The following CES5A variants were observed in gnomAD, a reference collection of about 807,000 sequenced individuals.
The protein encoded by CES5A is carboxylesterase 5A, also known as carboxylesterase 5.
CES5A carries 67 observed loss-of-function variants against 62.9 expected under a neutral mutation model. The observed-to-expected ratio is 1.07, with a 90% CI of 0.88 to 1.31. The LOEUF is 1.31. Among genes scored for constraint, CES5A ranks in the 50% most tolerant of loss-of-function variants. The probability of loss-of-function intolerance (pLI) is 0.00; values close to 1 mark genes in which losing one functional copy is unlikely to be tolerated. For synonymous variants in CES5A, 296 were observed against 280.8 expected (o/e 1.05, Z -0.54); for missense variants, 748 against 708.5 (o/e 1.06, Z -0.63).
intron 1 of CES5A, among the ~76,000 whole-genome samples, chr16:55,898,229 A>G (rs8049294): frequency 0.019 from 2,945 of 152,334 alleles, 94 homozygotes; most frequent in African/African-American, 0.067. Flanking sequence ...TAAAAGCAAT[A>G]GTGGGTAATT....
chr16:55,854,236 C>T (rs553279002), intron 9 of CES5A, among the ~76,000 whole-genome samples: 19 of 152,224 alleles, frequency 1.2e-4, no homozygotes, highest in Non-Finnish European at 2.4e-4. Context: ...CAGCCCCTAG[C>T]ATGCTACTGT....
intron 2 of CES5A, among the ~76,000 whole-genome samples, chr16:55,943,769 A>G (rs747400956): frequency 1.3e-5 from 2 of 152,156 alleles, no homozygotes; most frequent in Non-Finnish European, 2.9e-5. Flanking sequence ...ACCAGAGTAC[A>G]CAGAACAGAA....
At chr16:55,877,220 G>A (rs966867940), upstream of CES5A, among the ~76,000 whole-genome samples, 1 of 152,142 alleles carries the variant, frequency 6.6e-6, no homozygotes, top group African/African-American at 2.4e-5. Flanking sequence ...AGGAGTGCGG[G>A]TGGGGTGGGG....
intron 2 of CES5A, among the ~76,000 whole-genome samples, chr16:55,935,233 C>G (rs1188662321): frequency 6.6e-6 from 1 of 152,152 alleles, no homozygotes; most frequent in African/African-American, 2.4e-5. Context: ...ATGAGCCACT[C>G]ACTGTGCCTG....
rs1291476791 is a variant in CES5A, at chr16:55,861,438, AG to A, written c.888del (p.Ser297ProfsTer5). The A allele has an allele frequency of 8.1e-6, 13 of 1,613,448 alleles. No individual in the cohort carries two copies. The highest frequency in any genetic ancestry group is 1.3e-5 in the African/African-American group (1 of 74,896). On this transcript the variant is annotated frameshift_variant, in exon 7 of 13. Coordinates refer to ENST00000290567, the MANE Select transcript of CES5A (RefSeq NM_001143685.2). LOFTEE classifies it high-confidence loss of function. Reference sequence around the variant, plus strand: ...TGGCTGAGGGTCAGCAGCTCCTTGGAGGGTTTTGTCCTCAGGCACCTCAGCA... The same window carrying A: ...TGGCTGAGGGTCAGCAGCTCCTTGGAGGTTTTGTCCTCAGGCACCTCAGCA... ...EALLRCLRTK[P>X]SKELLTLSQK... is the part of the protein sequence containing the mutation.
Position 55,853,042 on chromosome 16 carries a change from G to A in CES5A, c.1126-14C>T, listed in dbSNP as rs748479243. 14 of 1,613,446 alleles carry A rather than the reference G, an allele frequency of 8.7e-6. No homozygotes were observed. The highest frequency in any genetic ancestry group is 5.0e-5 in the Admixed American group (3 of 59,982). On this transcript the variant is annotated splice_polypyrimidine_tract_variant and intron_variant, in intron 9 of 12. Coordinates refer to ENST00000290567, the MANE Select transcript of CES5A (RefSeq NM_001143685.2). ...AGGCGGGATGTGCTGTAAAAATATC[G>A]TAGTCCTAGGAGATCCAGGTCAACC...
chr16:55,859,421 G>T, intron 8 of CES5A, 126 bp downstream of exon 8: 2 of 859,750 alleles, frequency 2.3e-6, no homozygotes, highest in Non-Finnish European at 3.6e-6. Flanking sequence ...GGTGATCACT[G>T]TGTGCTTGGC....
chr16:55,944,023 A>G (rs1401911993), intron 2 of CES5A: 6 of 701,960 alleles, frequency 8.5e-6, no homozygotes, highest in African/African-American at 1.7e-5. Context: ...AAAAATCGCA[A>G]GTCATTGAGG....
rs763354192 is a variant in CES5A, at chr16:55,873,951, C to T, written c.160G>A (p.Val54Met). 3.7e-6 allele frequency: 6 copies of T among 1,613,550 alleles called. No individual in the cohort carries two copies. Among genetic ancestry groups the T allele is most frequent in the Non-Finnish European group, 4.2e-6 (5 of 1,179,940 alleles). The part of the protein sequence containing the change: ...QVTVLGSPVP[V>M]NVFLGVPFAA... The stretch of plus-strand genomic sequence containing the variant: ...AAGGGGACTCCGAGGAACACGTTCA[C>T]AGGCACAGGGCTTCCCAGCACAGTG... The change falls in exon 2 of 13, where the codon GTG becomes ATG. Residue 54 changes from valine (V) to methionine (M), a missense_variant. Transcript: ENST00000290567.
At chr16:55,954,277 T>C (rs1295287561) in intron 1 of CES5A, among the ~76,000 whole-genome samples, 1 of 152,186 alleles carries the variant, frequency 6.6e-6, no homozygotes, top group African/African-American at 2.4e-5. Flanking sequence ...CGGTATTTCA[T>C]TAGCAATTAA....
Position 55,869,702 on chromosome 16 carries a change from C to T in CES5A, c.460G>A (p.Ala154Thr), listed in dbSNP as rs541452405. The T allele has an allele frequency of 2.5e-6, 4 of 1,609,876 alleles. No individual in the cohort carries two copies. Among genetic ancestry groups the T allele is most frequent in the East Asian group, 2.2e-5 (1 of 44,786 alleles). ...FPGGAFKTGS[A>T]SIFDGSALAA... ...AGGGCGGACCCATCAAAGATGGAGG[C>T]TGAGCCAGTCTTGAAGGCACCTCCT... The change falls in exon 4 of 13, where the codon GCC (alanine) becomes ACC (threonine). Residue 154 changes from alanine to threonine, a missense_variant. Coordinates refer to ENST00000290567, the MANE Select transcript of CES5A (RefSeq NM_001143685.2).
At chr16:55,950,830 G>A (rs1054587101) in intron 1 of CES5A, among the ~76,000 whole-genome samples, 6 of 151,024 alleles carry the variant, frequency 4.0e-5, no homozygotes, top group South Asian at 2.1e-4. Flanking sequence ...GGCCGGGCAC[G>A]GGTGGCTCAA....
chr16:55,856,930 A>AAC (rs1398538310), intron 8 of CES5A, among the ~76,000 whole-genome samples: 1 of 152,228 alleles, frequency 6.6e-6, no homozygotes, highest in African/African-American at 2.4e-5. Context: ...CAGTCCCTAG[A>AAC]ACTGTGAGAA....
intron 1 of CES5A, among the ~76,000 whole-genome samples, chr16:55,920,691 C>T (rs2034195505): frequency 6.6e-6 from 1 of 152,082 alleles, no homozygotes; most frequent in Admixed American, 6.6e-5. Flanking sequence ...ACAAATAATC[C>T]TTCAATGCAA....
upstream of CES5A, among the ~76,000 whole-genome samples, chr16:55,878,863 C>T (rs1378845399): frequency 6.9e-6 from 1 of 145,744 alleles, no homozygotes; most frequent in East Asian, 2.2e-4. Context: ...TCCATCACTG[C>T]ATCCCACCAC....
chr16:55,941,782 T>C (rs552702042), intron 2 of CES5A, among the ~76,000 whole-genome samples: 3 of 152,212 alleles, frequency 2.0e-5, no homozygotes, highest in South Asian at 4.1e-4. Context: ...ATAGATAGCA[T>C]AAGGGAGTTT....
intron 7 of CES5A, among the ~76,000 whole-genome samples, chr16:55,860,455 GTA>G (rs57949290): frequency 0.28 from 41,874 of 151,972 alleles, 7,165 homozygotes; most frequent in African/African-American, 0.49. Context: ...GGGTTGGGGT[GTA>G]TAGCCCAGGA....
intron 1 of CES5A, among the ~76,000 whole-genome samples, chr16:55,904,759 C>T: frequency 6.6e-6 from 1 of 152,016 alleles, no homozygotes; most frequent in East Asian, 1.9e-4. Context: ...GGAAATAGAC[C>T]CACCTGGCAC....
intron 1 of CES5A, among the ~76,000 whole-genome samples, chr16:55,896,729 C>A (rs1396612095): frequency 6.6e-6 from 1 of 152,202 alleles, no homozygotes; most frequent in East Asian, 1.9e-4. Context: ...GCTTCACAAT[C>A]TGACAGGCAC....
Sources: allele counts gnomAD v4.1 joint callset (sites outside exome capture counted in the v4.1 genomes callset), GRCh38; gene constraint gnomAD v4.1.1; transcripts MANE v1.5; gene names NCBI Gene and HGNC (gene_info 2026-07-23, HGNC 2026-07-21).